Variants in SGCG observed in about 807,000 individuals in gnomAD.
SGCG encodes the protein sarcoglycan gamma, also known as gamma-sarcoglycan.
SGCG carries 26 observed loss-of-function variants against 29.3 expected under a neutral mutation model. The observed-to-expected ratio is 0.89, with a 90% CI of 0.65 to 1.23. SGCG has a LOEUF of 1.23. Ranked by LOEUF, SGCG falls within the 50% of genes most tolerant of loss-of-function variation. The probability of loss-of-function intolerance (pLI) is 0.00; values close to 1 mark genes in which losing one functional copy is unlikely to be tolerated. For synonymous variants in SGCG, 145 were observed against 129.7 expected (o/e 1.12, Z -0.80); for missense variants, 353 against 356.0 (o/e 0.99, Z 0.07).
chr13:23,238,409 G>T, intron 3 of SGCG, among the ~76,000 whole-genome samples: 1 of 152,172 alleles, frequency 6.6e-6, no homozygotes, highest in East Asian at 1.9e-4. Context: ...CTTGAGACTA[G>T]TGAAATACCC....
At chr13:23,276,650 G>A (rs1435453393) in intron 4 of SGCG, among the ~76,000 whole-genome samples, 1 of 152,068 alleles carries the variant, frequency 6.6e-6, no homozygotes, top group East Asian at 1.9e-4. Context: ...CCAGGTTGTC[G>A]CGAACTCCTG....
chr13:23,198,791 A>G (rs1229579065), intron 1 of SGCG, among the ~76,000 whole-genome samples: 1 of 148,646 alleles, frequency 6.7e-6, no homozygotes, highest in African/African-American at 2.5e-5. Context: ...GGTTGTAGTG[A>G]GTCGTGATTG....
intron 2 of SGCG, among the ~76,000 whole-genome samples, chr13:23,225,946 C>T (rs931754054): frequency 1.3e-5 from 2 of 152,198 alleles, no homozygotes; most frequent in East Asian, 3.8e-4. Flanking sequence ...TACCTTCCTT[C>T]CCCTACAATG....
At position 23,273,375 on chromosome 13, in the gene SGCG, G is replaced by A. The variant is rs137952546; in HGVS notation, c.386-5984G>A. Among the ~76,000 whole-genome samples the A allele has an allele frequency of 7.6e-3, 1,161 of 152,082 alleles. 18 individuals carry two copies. The highest frequency in any genetic ancestry group is 0.026 in the African/African-American group (1,074 of 41,480). ...AATTTTTGTATTTTTAGTAGAGATA[G>A]GGTTTCACCACGTTGGCCAGTCTGG... On this transcript the variant is annotated intron_variant, in intron 4 of 7. Coordinates refer to ENST00000218867, the MANE Select transcript of SGCG (RefSeq NM_000231.3).
At chr13:23,203,673 T>G in intron 1 of SGCG, 22 bp from the exon 2 acceptor site, 1 of 1,592,456 alleles carries the variant, frequency 6.3e-7, no homozygotes. Flanking sequence ...CTCTCTCCTC[T>G]CGTGAACACA....
At chr13:23,240,097 G>A (rs925236900) in intron 3 of SGCG, among the ~76,000 whole-genome samples, 1 of 151,968 alleles carries the variant, frequency 6.6e-6, no homozygotes, top group Non-Finnish European at 1.5e-5. Context: ...AACACAAATA[G>A]GTTGAAAGTA....
chr13:23,218,681 A>T (rs554952670), intron 2 of SGCG, among the ~76,000 whole-genome samples: 2 of 152,106 alleles, frequency 1.3e-5, no homozygotes, highest in South Asian at 4.1e-4. Context: ...TTGAACAGAG[A>T]TTGGACATGC....
At chr13:23,249,336 GCT>G (rs1183901783) in intron 3 of SGCG, among the ~76,000 whole-genome samples, 4 of 152,090 alleles carry the variant, frequency 2.6e-5, no homozygotes, top group African/African-American at 9.7e-5. Context: ...CCATTAACAG[GCT>G]CCCCCAACCT....
chr13:23,161,419 C>A, the SGCG span, among the ~76,000 whole-genome samples: 2 of 152,178 alleles, frequency 1.3e-5, no homozygotes, highest in African/African-American at 4.8e-5. Context: ...GTAATGCTGG[C>A]GCTCCATGTA....
chr13:23,311,589 G>A (rs973251745), intron 6 of SGCG, among the ~76,000 whole-genome samples: 5 of 152,190 alleles, frequency 3.3e-5, no homozygotes, highest in Non-Finnish European at 5.9e-5. Context: ...TGCTCGGCAC[G>A]TTGGCCTGGG....
chr13:23,297,677 C>T (rs1488274369), intron 6 of SGCG, among the ~76,000 whole-genome samples: 2 of 152,128 alleles, frequency 1.3e-5, no homozygotes, highest in African/African-American at 4.8e-5. Context: ...CCAGCGTGGG[C>T]GTTATGGCCA....
the SGCG span, among the ~76,000 whole-genome samples, chr13:23,171,009 A>G: frequency 2.0e-5 from 3 of 152,226 alleles, no homozygotes; most frequent in African/African-American, 7.2e-5. Context: ...TAAAAGTGCT[A>G]TGCTATGGTC....
At chr13:23,261,314 C>G (rs1441384502) in intron 4 of SGCG, among the ~76,000 whole-genome samples, 1 of 151,434 alleles carries the variant, frequency 6.6e-6, no homozygotes, top group East Asian at 1.9e-4. Context: ...AAACAAAAAC[C>G]AGTCAGAACT....
chr13:23,238,039 A>AT (rs1182440550), intron 3 of SGCG, among the ~76,000 whole-genome samples: 6 of 152,184 alleles, frequency 3.9e-5, no homozygotes, highest in African/African-American at 1.4e-4. Flanking sequence ...AATGAAAAAA[A>AT]AAATATATGA....
intron 3 of SGCG, among the ~76,000 whole-genome samples, chr13:23,249,466 G>C (rs1375285629): frequency 6.6e-6 from 1 of 152,112 alleles, no homozygotes; most frequent in Non-Finnish European, 1.5e-5. Flanking sequence ...GGAGACAGAG[G>C]AATTTGCTTT....
At chr13:23,220,236 T>C (rs1341310695) in intron 2 of SGCG, among the ~76,000 whole-genome samples, 2 of 152,116 alleles carry the variant, frequency 1.3e-5, no homozygotes, top group Non-Finnish European at 1.5e-5. Context: ...GCAGATCACC[T>C]GAGGTCGGGA....
intron 2 of SGCG, among the ~76,000 whole-genome samples, chr13:23,208,669 C>T (rs186091815): frequency 2.0e-5 from 3 of 152,100 alleles, no homozygotes; most frequent in African/African-American, 7.2e-5. Context: ...CCAGGAAAGA[C>T]ATCTGTTGAA....
chr13:23,169,453 G>T, the SGCG span, among the ~76,000 whole-genome samples: 1 of 151,796 alleles, frequency 6.6e-6, no homozygotes, highest in Non-Finnish European at 1.5e-5. Flanking sequence ...GGCCGAGGCG[G>T]GTGGATCACG....
the SGCG span, among the ~76,000 whole-genome samples, chr13:23,175,063 G>A: frequency 6.6e-6 from 1 of 152,188 alleles, no homozygotes; most frequent in Non-Finnish European, 1.5e-5. Flanking sequence ...AAATAAATAT[G>A]TAAGTAGACT....
Sources: gnomAD v4.1 joint callset for allele counts (sites outside exome capture counted in the v4.1 genomes callset) on GRCh38, gnomAD v4.1.1 for gene constraint, MANE v1.5 for transcripts, NCBI Gene and HGNC (gene_info 2026-07-23, HGNC 2026-07-21) for gene names.